Variants in EYS observed in about 807,000 individuals in gnomAD.
EYS encodes protein eyes shut homolog.
In EYS, 250 loss-of-function variants were observed where a neutral mutation model predicts 282.1. The observed-to-expected ratio is 0.89, with a 90% CI of 0.80 to 0.98. EYS has a LOEUF of 0.98. EYS is among the 50% of genes least tolerant of loss of function. EYS has a pLI of 0.00. For missense variants in EYS, 4,016 were observed against 3,709.0 expected (o/e 1.08, Z -2.15); for synonymous variants, 1,355 against 1,282.9 (o/e 1.06, Z -1.20).
intron 19 of EYS, among the ~76,000 whole-genome samples, chr6:64,868,989 G>A (rs976400356): frequency 1.3e-5 from 2 of 151,490 alleles, no homozygotes; most frequent in African/African-American, 4.8e-5. Flanking sequence ...GAATAAGTAA[G>A]AGCCTTTTAA....
chr6:63,953,471 T>C lies in EYS; in HGVS notation c.7055+30912A>G, dbSNP rs559826378. ...AAATTTCTTCCTCATCTGTTACGTA[T>C]CTTGGCATAATTCTTCATAAAAACA... is the stretch of plus-strand genomic sequence containing the variant. On this transcript the variant is annotated intron_variant, in intron 35 of 42. Coordinates refer to ENST00000503581, the MANE Select transcript of EYS (RefSeq NM_001142800.2). 1.4e-3 allele frequency among the ~76,000 whole-genome samples: 220 copies of C among 152,254 alleles called. 1 individual carries two copies. The highest frequency in any genetic ancestry group is 5.1e-3 in the African/African-American group (210 of 41,544).
intron 13 of EYS, among the ~76,000 whole-genome samples, chr6:65,057,271 C>A (rs1189117068): frequency 6.6e-6 from 1 of 152,018 alleles, no homozygotes; most frequent in African/African-American, 2.4e-5. Context: ...GAAAACTTGA[C>A]AATTTCATAA....
intron 35 of EYS, among the ~76,000 whole-genome samples, chr6:63,933,763 G>A (rs1764968631): frequency 6.6e-6 from 1 of 152,176 alleles, no homozygotes; most frequent in South Asian, 2.1e-4. Flanking sequence ...TGTGTGCCAG[G>A]AAGTGGGATC....
At chr6:64,941,587 T>G (rs890108612) in intron 15 of EYS, among the ~76,000 whole-genome samples, 8 of 151,944 alleles carry the variant, frequency 5.3e-5, no homozygotes, top group Non-Finnish European at 1.2e-4. Flanking sequence ...CAACAGTCAG[T>G]TTTTCAACCC....
chr6:64,009,359 C>T (rs1768497186), intron 33 of EYS, among the ~76,000 whole-genome samples: 1 of 151,456 alleles, frequency 6.6e-6, no homozygotes, highest in Admixed American at 6.6e-5. Flanking sequence ...TCTCGGCTCA[C>T]TGCAAGCTCC....
intron 12 of EYS, among the ~76,000 whole-genome samples, chr6:65,085,639 G>C (rs1774343161): frequency 6.6e-6 from 1 of 152,026 alleles, no homozygotes; most frequent in Admixed American, 6.5e-5. Context: ...TCCCTCCCTT[G>C]ATCTAAATTG....
intron 13 of EYS, among the ~76,000 whole-genome samples, chr6:65,056,427 T>C (rs879371124): frequency 3.3e-5 from 5 of 151,954 alleles, no homozygotes; most frequent in Non-Finnish European, 4.4e-5. Flanking sequence ...ACCCTGTCTC[T>C]ACAAAAATAC....
intron 36 of EYS, chr6:63,822,728 G>T (rs1043595939): frequency 6.6e-6 from 1 of 152,236 alleles, no homozygotes; most frequent in East Asian, 1.9e-4. Flanking sequence ...TCTACTATGA[G>T]TATTGATTAT....
At chr6:64,997,163 G>A (rs2150125684) in intron 14 of EYS, among the ~76,000 whole-genome samples, 1 of 152,272 alleles carries the variant, frequency 6.6e-6, no homozygotes, top group African/African-American at 2.4e-5. Context: ...CTGGAAATAT[G>A]TAATATGAGA....
chr6:64,062,691 C>CAAA (rs1023609648), intron 33 of EYS, among the ~76,000 whole-genome samples: 50 of 58,720 alleles, frequency 8.5e-4, no homozygotes, highest in Non-Finnish European at 1.1e-3. Flanking sequence ...AACTCCAACT[C>CAAA]AAAAAAAAAA....
At chr6:63,774,582 GAGT>G (rs1368086231) in intron 40 of EYS, among the ~76,000 whole-genome samples, 2 of 152,100 alleles carry the variant, frequency 1.3e-5, no homozygotes, top group Non-Finnish European at 2.9e-5. Flanking sequence ...AAATTGCTGA[GAGT>G]AGATTTTAAA....
intron 29 of EYS, among the ~76,000 whole-genome samples, chr6:64,311,838 G>A (rs1561922850): frequency 6.6e-6 from 1 of 152,122 alleles, no homozygotes; most frequent in African/African-American, 2.4e-5. Context: ...GTGCACTCTG[G>A]CTTAGATACT....
intron 26 of EYS, among the ~76,000 whole-genome samples, chr6:64,450,592 AC>A (rs1775294492): frequency 6.6e-6 from 1 of 152,196 alleles, no homozygotes; most frequent in Admixed American, 6.5e-5. Context: ...TCCAAAATTG[AC>A]CACATACTTG....
At chr6:65,410,657 T>C (rs997691968) in intron 5 of EYS, among the ~76,000 whole-genome samples, 3 of 151,656 alleles carry the variant, frequency 2.0e-5, no homozygotes, top group African/African-American at 7.3e-5. Flanking sequence ...TTTGCAGTTT[T>C]TGTGTTTCTG....
intron 35 of EYS, among the ~76,000 whole-genome samples, chr6:63,869,035 T>C (rs1772735886): frequency 6.6e-6 from 1 of 152,144 alleles, no homozygotes; most frequent in South Asian, 2.1e-4. Context: ...CAAAATTACT[T>C]TGTGGTGGCC....
intron 26 of EYS, among the ~76,000 whole-genome samples, chr6:64,572,210 C>T (rs978306119): frequency 2.0e-5 from 3 of 152,210 alleles, no homozygotes; most frequent in African/African-American, 4.8e-5. Flanking sequence ...AAAAGACCTA[C>T]GATAAAATTC....
At chr6:65,487,342 C>G (rs879238378) in intron 5 of EYS, among the ~76,000 whole-genome samples, 1 of 152,112 alleles carries the variant, frequency 6.6e-6, no homozygotes, top group African/African-American at 2.4e-5. Context: ...TGTTGACATA[C>G]ATTCCATCGA....
At chr6:64,846,602 T>G (rs1414746000) in intron 19 of EYS, among the ~76,000 whole-genome samples, 1 of 152,118 alleles carries the variant, frequency 6.6e-6, no homozygotes, top group Non-Finnish European at 1.5e-5. Context: ...TCAAAAGACA[T>G]ACAAAGCCAT....
At chr6:64,713,121 G>A (rs1329542424) in intron 22 of EYS, among the ~76,000 whole-genome samples, 2 of 152,184 alleles carry the variant, frequency 1.3e-5, no homozygotes, top group Admixed American at 6.5e-5. Flanking sequence ...ACTTTGTAAA[G>A]TAACTTTATG....
Sources: allele counts gnomAD v4.1 joint callset (sites outside exome capture counted in the v4.1 genomes callset), GRCh38; gene constraint gnomAD v4.1.1; transcripts MANE v1.5; gene names NCBI Gene and HGNC (gene_info 2026-07-23, HGNC 2026-07-21).